The following APOB variants were observed in gnomAD, a reference collection of about 807,000 sequenced individuals.
APOB encodes apolipoprotein B.
In APOB, 153 loss-of-function variants were observed where a neutral mutation model predicts 314.1. The ratio of observed to expected loss-of-function variants is 0.49; its 90% CI spans 0.43 to 0.56. The LOEUF (loss-of-function observed/expected upper bound fraction) is 0.56, where lower values mean the gene tolerates loss of function less well. Among genes scored for constraint, APOB ranks in the 20% least tolerant of loss-of-function variants. The probability of loss-of-function intolerance (pLI) is 0.00; values close to 1 mark genes in which losing one functional copy is unlikely to be tolerated. For synonymous variants in APOB, 2,087 were observed against 2,036.4 expected (o/e 1.02, Z -0.67); for missense variants, 5,430 against 5,350.7 (o/e 1.01, Z -0.46).
At position 21,010,327 on chromosome 2, in the gene APOB, AT is replaced by A; in HGVS notation, c.6540del (p.Gln2180HisfsTer15). 6.4e-7 allele frequency: 1 copy of A among 1,556,522 alleles called. No homozygotes were observed. Among genetic ancestry groups the A allele is most frequent in the Non-Finnish European group, 8.7e-7 (1 of 1,152,078 alleles). On this transcript the variant is annotated frameshift_variant, in exon 26 of 29. Transcript: ENST00000233242. LOFTEE classifies it high-confidence loss of function. Reference sequence around the variant, plus strand: ...TAACTATCTTTAATATACTGATCAAATTGTATCATATATGTCTGCAGTTGAG... The same window carrying A: ...TAACTATCTTTAATATACTGATCAAATGTATCATATATGTCTGCAGTTGAG... ...KLSQLQTYMI[Q>X]FDQYIKDSYD...
chr2:21,004,621 G>T lies in APOB; in HGVS notation c.11843C>A (p.Thr3948Lys). 1 of 1,613,988 alleles carries T rather than the reference G, an allele frequency of 6.2e-7. No individual in the cohort carries two copies. The change falls in exon 27 of 29, where the codon ACA (threonine) becomes AAA (lysine). Residue 3948 changes from threonine (T) to lysine (K), a missense_variant. Thr to Lys is a moderately conservative substitution (Grantham distance 78). Transcript: ENST00000233242. Reference sequence around the variant, plus strand: ...TGCACTGAAGTCACGGTGTGCAAATGTTCCTTTAGTCTTAGAGGCTAACGT... The same window carrying T: ...TGCACTGAAGTCACGGTGTGCAAATTTTCCTTTAGTCTTAGAGGCTAACGT... Reference protein sequence around the residue: ...DGTLASKTKGTFAHRDFSAEY... With the variant: ...DGTLASKTKGKFAHRDFSAEY...
At chr2:21,031,018 T>C (rs775731052) in intron 10 of APOB, among the ~76,000 whole-genome samples, 15 of 152,176 alleles carry the variant, frequency 9.9e-5, no homozygotes, top group Non-Finnish European at 1.9e-4. Context: ...TGTAAATAAG[T>C]ACAACCACTA....
At chr2:21,031,152 C>T (rs1383215532) in intron 10 of APOB, among the ~76,000 whole-genome samples, 1 of 152,224 alleles carries the variant, frequency 6.6e-6, no homozygotes, top group Non-Finnish European at 1.5e-5. Flanking sequence ...AACCTGCACC[C>T]ATATGTTTAT....
chr2:21,036,667 G>C (rs1664010880), intron 6 of APOB, among the ~76,000 whole-genome samples: 2 of 152,122 alleles, frequency 1.3e-5, no homozygotes. Context: ...GAGGGAGAGG[G>C]GGAGAACACA....
intron 3 of APOB, among the ~76,000 whole-genome samples, 166 bp downstream of exon 3, chr2:21,042,194 CA>C (rs1257389808): frequency 6.6e-6 from 1 of 152,204 alleles, no homozygotes; most frequent in Non-Finnish European, 1.5e-5. Flanking sequence ...GGCTGACTTA[CA>C]AACAGAGGCA....
chr2:21,006,264 G>A lies in APOB; in HGVS notation c.10604C>T (p.Thr3535Ile). 6.2e-7 allele frequency: 1 copy of A among 1,614,026 alleles called. No individual in the cohort carries two copies. Among genetic ancestry groups the A allele is most frequent in the Non-Finnish European group, 8.5e-7 (1 of 1,179,966 alleles). Reference sequence around the variant, plus strand: ...GTTCCAGATATCATCAATTTTGGAAGTGCCCTGCAGCTTCACTGAAGACCG... The same window carrying A: ...GTTCCAGATATCATCAATTTTGGAAATGCCCTGCAGCTTCACTGAAGACCG... ...STRSSVKLQG[T>I]SKIDDIWNLE... Residue 3535 changes from threonine to isoleucine, a missense_variant, in exon 26 of 29, where the codon ACT (threonine) becomes ATT (isoleucine). By Grantham distance (89) the Thr-to-Ile change is moderately conservative. Transcript: ENST00000233242.
intron 4 of APOB, among the ~76,000 whole-genome samples, chr2:21,040,560 C>G (rs1664105531): frequency 6.6e-6 from 1 of 152,198 alleles, no homozygotes; most frequent in African/African-American, 2.4e-5. Flanking sequence ...GGTGAACAGA[C>G]CCTGCCCCGC....
Position 21,005,834 on chromosome 2 carries a change from T to A in APOB, c.11034A>T (p.Pro3678=). Residue 3678 remains proline, a synonymous_variant, in exon 26 of 29, where the codon CCA becomes CCT. Transcript: ENST00000233242. ...AATCCCATAAGCTCTTGTCATAGACTGGTAGGATGATATTTTTGAGGAACC... is the reference window on the plus strand; with the variant it reads ...AATCCCATAAGCTCTTGTCATAGACAGGTAGGATGATATTTTTGAGGAACC... ...HLRFLKNIIL[P]VYDKSLWDFL... is the part of the protein sequence containing the mutation. 2 of 1,614,014 alleles carry A rather than the reference T, an allele frequency of 1.2e-6. No homozygotes were observed. The highest frequency in any genetic ancestry group is 8.5e-7 in the Non-Finnish European group (1 of 1,179,956).
At chr2:21,041,222 A>C in intron 3 of APOB, 139 bp from the exon 4 acceptor site, 2 of 831,418 alleles carry the variant, frequency 2.4e-6, no homozygotes, top group Non-Finnish European at 1.9e-6. Flanking sequence ...TCAACACCAC[A>C]TGCCTTATCA....
At chr2:21,026,016 A>C (rs1663723662) in intron 15 of APOB, among the ~76,000 whole-genome samples, 1 of 152,206 alleles carries the variant, frequency 6.6e-6, no homozygotes, top group African/African-American at 2.4e-5. Context: ...GAAAATATTA[A>C]TTTAGAACTC....
At chr2:21,036,297 G>C (rs1463715195) in intron 6 of APOB, among the ~76,000 whole-genome samples, 12 of 152,160 alleles carry the variant, frequency 7.9e-5, no homozygotes, top group Non-Finnish European at 1.6e-4. Flanking sequence ...GAGTGGGGTT[G>C]AGCAAACAGC....
rs143056106 is a variant in APOB, at chr2:21,009,025, G to A, written c.7843C>T (p.Pro2615Ser). Residue 2615 changes from proline to serine, a missense_variant, in exon 26 of 29, where the codon CCT becomes TCT. Physicochemically the swap from Pro to Ser is moderately conservative, Grantham distance 74. This residue lies in a region of APOB where 3,281 missense variants were observed against 3,171.0 expected (regional missense o/e 1.03). Coordinates refer to ENST00000233242, the MANE Select transcript of APOB (RefSeq NM_000384.3). ...QALQKATFQT[P>S]DFIVPLTDLR... ...TCTGTTAGGGGGACTATAAAATCAG[G>A]TGTCTGGAAGGTAGCTTTCTGAAGA... 1.2e-5 allele frequency: 20 copies of A among 1,613,950 alleles called. No individual in the cohort carries two copies. Among genetic ancestry groups the A allele is most frequent in the African/African-American group, 2.7e-5 (2 of 74,900 alleles).
intron 25 of APOB, 28 bp from the exon 26 acceptor site, chr2:21,012,679 TA>T: frequency 7.5e-6 from 12 of 1,603,222 alleles, no homozygotes; most frequent in Non-Finnish European, 1.0e-5. Flanking sequence ...AGACATTGGT[TA>T]AATTAAGCAG....
chr2:21,006,894 G>A lies in APOB; in HGVS notation c.9974C>T (p.Thr3325Ile), dbSNP rs1291716131. The stretch of plus-strand genomic sequence containing the variant: ...GGCAGGAATAAAAATATGGCTTATG[G>A]TACACAATTCCTTGAAATCTGGAAG... ...LSLPDFKELC[T>I]ISHIFIPAMG... is the part of the protein sequence containing the mutation. The change falls in exon 26 of 29, where the codon ACC becomes ATC. Residue 3325 changes from threonine (T) to isoleucine (I), a missense_variant. Transcript: ENST00000233242. The A allele has an allele frequency of 1.2e-6, 2 of 1,614,076 alleles. No individual in the cohort carries two copies. Among genetic ancestry groups the A allele is most frequent in the Admixed American group, 1.7e-5 (1 of 60,008 alleles).
In APOB at chr2:21,002,015, A is replaced by G. The variant is rs2103346421; in HGVS notation, c.13407T>C (p.Leu4469=). The G allele has an allele frequency of 1.2e-6, 2 of 1,614,092 alleles. No homozygotes were observed. Among genetic ancestry groups the G allele is most frequent in the Middle Eastern group, 3.3e-4 (2 of 6,062 alleles). The part of the protein sequence containing the change: ...DGKGKEKIAE[L]SATAQEIIKS... Reference sequence around the variant, plus strand: ...TAATTATTTCCTGAGCAGTGGCAGAAAGCTCTGCAATCTTCTCTTTCCCTT... The same window carrying G: ...TAATTATTTCCTGAGCAGTGGCAGAGAGCTCTGCAATCTTCTCTTTCCCTT... Residue 4469 remains leucine (L), a synonymous_variant, in exon 29 of 29, where the codon CTT becomes CTC. Transcript: ENST00000233242.
At chr2:21,030,821 A>T (rs1663858976) in intron 10 of APOB, among the ~76,000 whole-genome samples, 1 of 152,188 alleles carries the variant, frequency 6.6e-6, no homozygotes, top group African/African-American at 2.4e-5. Context: ...TCAAAAGAAG[A>T]CATACAAATG....
Position 21,043,513 on chromosome 2 carries a change from T to C in APOB, c.121A>G (p.Lys41Glu), listed in dbSNP as rs1392472584. 1.9e-6 allele frequency: 3 copies of C among 1,604,178 alleles called. No homozygotes were observed. The South Asian group carries it at 3.4e-5, about 18-fold the overall frequency. ...MLENVSLVCPKDATRFKHLRK... is the reference protein window; with the variant it reads ...MLENVSLVCPEDATRFKHLRK... ...CACGCCCCATGCGCAGATGCCTTACTTGGACAGACCAGGCTGACATTTTCC... is the reference window on the plus strand; with the variant it reads ...CACGCCCCATGCGCAGATGCCTTACCTGGACAGACCAGGCTGACATTTTCC... Residue 41 changes from lysine to glutamate, a missense_variant and splice_region_variant, in exon 2 of 29, where the codon AAA (lysine) becomes GAA (glutamate). Physicochemically the swap from Lys to Glu is moderately conservative, Grantham distance 56. This residue lies in a region of APOB where 2,085 missense variants were observed against 2,079.7 expected (regional missense o/e 1.00). Transcript: ENST00000233242.
Position 21,001,822 on chromosome 2 carries a change from A to T in APOB, c.13600T>A (p.Tyr4534Asn), listed in dbSNP as rs1350773223. 6.2e-7 allele frequency: 1 copy of T among 1,613,968 alleles called. No homozygotes were observed. The highest frequency in any genetic ancestry group is 8.5e-7 in the Non-Finnish European group (1 of 1,179,968). The change falls in exon 29 of 29, where the codon TAC becomes AAC. Residue 4534 changes from tyrosine (Y) to asparagine (N), a missense_variant. By Grantham distance (143) the Tyr-to-Asn change is moderately radical. Around this residue, in one of 3 missense-constraint regions of APOB, gnomAD observed 3,281 missense variants for 3,171.0 expected, o/e 1.03. Transcript: ENST00000233242. ...AGCTTTTTCAGTAACTCCGTGATGTATATCAGAAATGTGTGGTAGTTTTGA... is the reference window on the plus strand; with the variant it reads ...AGCTTTTTCAGTAACTCCGTGATGTTTATCAGAAATGTGTGGTAGTTTTGA... ...SIQNYHTFLI[Y>N]ITELLKKLQS...
intron 8 of APOB, among the ~76,000 whole-genome samples, chr2:21,033,965 C>T (rs1299973890): frequency 6.6e-6 from 1 of 152,182 alleles, no homozygotes; most frequent in East Asian, 1.9e-4. Context: ...ATCAGGTTAC[C>T]CTTAGCTTGA....
Sources: allele counts gnomAD v4.1 joint callset (sites outside exome capture counted in the v4.1 genomes callset), GRCh38; gene constraint gnomAD v4.1.1; regional missense constraint gnomAD v4.1.1; transcripts MANE v1.5; gene names NCBI Gene and HGNC (gene_info 2026-07-23, HGNC 2026-07-21).